The following LHFPL3 variants were observed in gnomAD, a reference collection of about 807,000 sequenced individuals.
LHFPL3 encodes LHFPL tetraspan subfamily member 3 protein.
LHFPL3 carries 5 observed loss-of-function variants against 19.3 expected under a neutral mutation model. That is an observed-to-expected ratio of 0.26 (90% CI 0.14 to 0.54). The LOEUF is 0.54. LHFPL3 is among the 20% of genes least tolerant of loss of function. The pLI is 0.94. For missense variants in LHFPL3, 249 were observed against 307.4 expected, an observed-to-expected ratio of 0.81 and a Z score of 1.42; for synonymous variants, 133 against 126.2, an observed-to-expected ratio of 1.05 and a Z score of -0.36.
chr7:104,362,852 C>G (rs925895824), intron 1 of LHFPL3, among the ~76,000 whole-genome samples: 4 of 152,214 alleles, frequency 2.6e-5, no homozygotes, highest in African/African-American at 9.6e-5. Flanking sequence ...AAGCTGTCCC[C>G]TTGTGCTGAA....
intron 1 of LHFPL3, among the ~76,000 whole-genome samples, chr7:104,570,733 C>T (rs12672738): frequency 0.19 from 29,065 of 151,930 alleles, 3,450 homozygotes; most frequent in South Asian, 0.35. Context: ...AAGTTTGTTA[C>T]GTAGGTAAAC....
intron 2 of LHFPL3, chr7:104,826,233 T>G (rs929883736): frequency 2.0e-5 from 3 of 152,700 alleles, no homozygotes; most frequent in African/African-American, 7.3e-5. Context: ...CACCATGGCT[T>G]AGGTCCAAAC....
intron 2 of LHFPL3, among the ~76,000 whole-genome samples, chr7:104,824,555 T>A (rs1404447308): frequency 1.3e-5 from 1 of 75,660 alleles, no homozygotes; most frequent in African/African-American, 5.6e-5. Context: ...ATATATAATA[T>A]ATAATTATAT....
chr7:104,704,695 G>A (rs1249110397), intron 1 of LHFPL3, among the ~76,000 whole-genome samples: 1 of 151,698 alleles, frequency 6.6e-6, no homozygotes, highest in Non-Finnish European at 1.5e-5. Flanking sequence ...AAGTGCAATG[G>A]CGTGATCACG....
At chr7:104,376,802 A>C (rs1790723930) in intron 1 of LHFPL3, among the ~76,000 whole-genome samples, 1 of 152,168 alleles carries the variant, frequency 6.6e-6, no homozygotes, top group African/African-American at 2.4e-5. Flanking sequence ...AAGTTATGAC[A>C]GTCATTTTAC....
At chr7:104,486,550 C>A (rs1334048247) in intron 1 of LHFPL3, among the ~76,000 whole-genome samples, 1 of 152,154 alleles carries the variant, frequency 6.6e-6, no homozygotes, top group African/African-American at 2.4e-5. Flanking sequence ...TCTCTCAAAC[C>A]TCTTCTCTAA....
At chr7:104,361,206 C>G (rs1389982920) in intron 1 of LHFPL3, among the ~76,000 whole-genome samples, 3 of 152,188 alleles carry the variant, frequency 2.0e-5, no homozygotes, top group African/African-American at 7.2e-5. Context: ...AAAACGCTTG[C>G]CAACCCTTGC....
intron 1 of LHFPL3, among the ~76,000 whole-genome samples, chr7:104,693,885 C>T (rs1389171054): frequency 6.6e-6 from 1 of 151,774 alleles, no homozygotes; most frequent in African/African-American, 2.4e-5. Flanking sequence ...CCTGCCTGGG[C>T]CTCCCAAAGT....
In LHFPL3 at chr7:104,689,780, G is replaced by T. The variant is rs576099848; in HGVS notation, c.446-46895G>T. 1.2e-3 allele frequency among the ~76,000 whole-genome samples: 178 copies of T among 152,282 alleles called. 2 individuals are homozygous for T. Among genetic ancestry groups the T allele is most frequent in the African/African-American group, 4.1e-3 (171 of 41,554 alleles). On this transcript the variant is annotated intron_variant, in intron 1 of 2. Transcript: ENST00000424859. ...TTGTGGTCCTCCAGTTACAGTAGAG[G>T]CTTATGGAGGTCAGGTAATTAATGA...
Position 104,547,496 on chromosome 7 carries a change from C to T in LHFPL3, c.446-189179C>T, listed in dbSNP as rs143264246. On this transcript the variant is annotated intron_variant, in intron 1 of 2. Coordinates refer to ENST00000424859, the MANE Select transcript of LHFPL3 (RefSeq NM_199000.3). ...ATGAGTAATCAATAGTGATGTAGTC[C>T]AGGGTGATCCTTGAGGTTGCAGTCA... is the stretch of plus-strand genomic sequence containing the variant. Among the ~76,000 whole-genome samples, 354 of 151,968 alleles carry T rather than the reference C, an allele frequency of 2.3e-3. 1 individual carries two copies. Among genetic ancestry groups the T allele is most frequent in the African/African-American group, 7.7e-3 (321 of 41,440 alleles).
intron 1 of LHFPL3, among the ~76,000 whole-genome samples, chr7:104,436,419 T>C (rs192458081): frequency 1.3e-5 from 2 of 152,320 alleles, no homozygotes; most frequent in Non-Finnish European, 2.9e-5. Context: ...GAGTTAATCA[T>C]GGCAGAACCA....
At chr7:104,731,304 T>G (rs1025128935) in intron 1 of LHFPL3, among the ~76,000 whole-genome samples, 21 of 53,702 alleles carry the variant, frequency 3.9e-4, no homozygotes, top group South Asian at 2.8e-3. Context: ...AATCTACGAA[T>G]TACCTTGGGC....
At chr7:104,627,096 C>T (rs925834444) in intron 1 of LHFPL3, among the ~76,000 whole-genome samples, 21 of 151,984 alleles carry the variant, frequency 1.4e-4, no homozygotes, top group African/African-American at 4.8e-4. Context: ...CCTATCTAAC[C>T]GAAATTTTAT....
At chr7:104,863,473 G>T (rs1042015852) in intron 2 of LHFPL3, among the ~76,000 whole-genome samples, 1 of 152,186 alleles carries the variant, frequency 6.6e-6, no homozygotes, top group Admixed American at 6.5e-5. Flanking sequence ...TGTTCCAGGG[G>T]TCTTATCTCT....
intron 1 of LHFPL3, among the ~76,000 whole-genome samples, chr7:104,458,060 T>TA (rs1234954710): frequency 6.6e-6 from 1 of 151,412 alleles, no homozygotes; most frequent in Non-Finnish European, 1.5e-5. Context: ...TCCCATTTTG[T>TA]AGGTTGCCTG....
intron 2 of LHFPL3, among the ~76,000 whole-genome samples, chr7:104,794,159 T>G (rs1317593487): frequency 2.6e-5 from 4 of 152,292 alleles, no homozygotes; most frequent in Admixed American, 1.3e-4. Context: ...GCCTCTGCAT[T>G]CTCTTAACAA....
rs201743365 is a variant in LHFPL3, at chr7:104,594,470, C to G, written c.446-142205C>G. ...CCTTTCTCTCTGGCTGCCCTTAACA[C>G]TTTTTCCTTCATTTCAACCTTGGTG... On this transcript the variant is annotated intron_variant, in intron 1 of 2. Transcript: ENST00000424859. Among the ~76,000 whole-genome samples, 3 of 152,274 alleles carry G rather than the reference C, an allele frequency of 2.0e-5. No individual in the cohort carries two copies. The East Asian group carries it at 5.8e-4, about 29-fold the overall frequency.
intron 1 of LHFPL3, among the ~76,000 whole-genome samples, chr7:104,624,861 C>G (rs1297476238): frequency 2.0e-5 from 3 of 152,078 alleles, no homozygotes; most frequent in African/African-American, 7.2e-5. Flanking sequence ...ATATTTATCT[C>G]CAGAGAATTT....
chr7:104,480,587 A>G (rs925781684), intron 1 of LHFPL3, among the ~76,000 whole-genome samples: 1 of 152,312 alleles, frequency 6.6e-6, no homozygotes, highest in Non-Finnish European at 1.5e-5. Context: ...TGCCAGGTTG[A>G]GGGTTGCCTC....
Sources: gnomAD v4.1 joint callset for allele counts (sites outside exome capture counted in the v4.1 genomes callset) on GRCh38, gnomAD v4.1.1 for gene constraint, MANE v1.5 for transcripts, NCBI Gene and HGNC (gene_info 2026-07-23, HGNC 2026-07-21) for gene names.